HECA: variants seen among roughly 807,000 people sequenced by gnomAD.
The protein encoded by HECA is headcase protein homolog.
HECA carries 13 observed loss-of-function variants against 37.6 expected under a neutral mutation model. The observed-to-expected ratio is 0.35, with a 90% CI of 0.23 to 0.55. The LOEUF (loss-of-function observed/expected upper bound fraction) is 0.55. Ranked by LOEUF, HECA falls within the 20% of genes least tolerant of loss-of-function variation. HECA has a pLI of 0.90. For missense variants in HECA, 527 were observed against 701.9 expected (o/e 0.75, Z 2.82); for synonymous variants, 307 against 291.5 (o/e 1.05, Z -0.54).
chr6:139,155,957 G>A (rs1299427875), intron 1 of HECA, among the ~76,000 whole-genome samples: 1 of 152,042 alleles, frequency 6.6e-6, no homozygotes, highest in African/African-American at 2.4e-5. Flanking sequence ...AAAGCTGTCA[G>A]GTCAACTGAA....
chr6:139,159,778 A>G (rs1774771231), intron 1 of HECA, among the ~76,000 whole-genome samples: 1 of 152,200 alleles, frequency 6.6e-6, no homozygotes, highest in Non-Finnish European at 1.5e-5. Context: ...AGTCATCCCT[A>G]TTTTAGATTT....
chr6:139,144,010 T>C (rs1029500836), intron 1 of HECA, among the ~76,000 whole-genome samples: 2 of 152,144 alleles, frequency 1.3e-5, no homozygotes, highest in Non-Finnish European at 2.9e-5. Context: ...CAAATGAGTA[T>C]GTGGAGTTGT....
intron 1 of HECA, among the ~76,000 whole-genome samples, chr6:139,155,359 C>T (rs1482950953): frequency 6.6e-6 from 1 of 152,162 alleles, no homozygotes; most frequent in Non-Finnish European, 1.5e-5. Context: ...GTGAGTGAAT[C>T]TGAAGGCCTA....
chr6:139,166,349 T>C lies in HECA; in HGVS notation c.337T>C (p.Tyr113His), dbSNP rs768045542. ...GCCGGTGGACCTGGAGAAGGACGAC[T>C]ACCAGAAGGTGGTGTGCAACAACGA... is the stretch of plus-strand genomic sequence containing the variant. ...GRPVDLEKDDYQKVVCNNEHC... is the reference protein window; with the variant it reads ...GRPVDLEKDDHQKVVCNNEHC... The change falls in exon 2 of 4, where the codon TAC becomes CAC. Residue 113 changes from tyrosine to histidine, a missense_variant. Coordinates refer to ENST00000367658, the MANE Select transcript of HECA (RefSeq NM_016217.3). The C allele has an allele frequency of 1.2e-6, 2 of 1,614,010 alleles. No homozygotes were observed. Among genetic ancestry groups the C allele is most frequent in the Non-Finnish European group, 1.7e-6 (2 of 1,179,882 alleles).
rs1775115767 is a variant in HECA at position 139,180,246 on chromosome 6, G to A, written c.*3141G>A. 1 of 152,220 alleles carries A rather than the reference G, an allele frequency of 6.6e-6. No individual in the cohort carries two copies. Among genetic ancestry groups the A allele is most frequent in the South Asian group, 2.1e-4 (1 of 4,828 alleles). 9.4% of individuals were successfully genotyped at this position (152,220 alleles called of 1,614,324 possible). On this transcript the variant is annotated 3_prime_UTR_variant, in exon 4 of 4. Transcript: ENST00000367658. ...GGGGGAAAATTAACTCATCTAAAAA[G>A]AATCTTATTAGGTATTTGAACTCTA...
At chr6:139,147,164 A>G (rs779206905) in intron 1 of HECA, among the ~76,000 whole-genome samples, 2 of 152,114 alleles carry the variant, frequency 1.3e-5, no homozygotes, top group Non-Finnish European at 2.9e-5. Context: ...CCTGACCCCC[A>G]TGCTTTATAG....
rs547628076 is a variant in HECA, at chr6:139,142,733, G to A, written c.271+7066G>A. ...GAGGCCGAGACGGGCGGATCATGAGGTCAGGAGTTCAAGACCAGCCTGACC... is the reference window on the plus strand; with the variant it reads ...GAGGCCGAGACGGGCGGATCATGAGATCAGGAGTTCAAGACCAGCCTGACC... On this transcript the variant is annotated intron_variant, in intron 1 of 3. Coordinates refer to ENST00000367658, the MANE Select transcript of HECA (RefSeq NM_016217.3). Among the ~76,000 whole-genome samples, 5 of 152,286 alleles carry A rather than the reference G, an allele frequency of 3.3e-5. No individual in the cohort carries two copies. In the South Asian group the frequency reaches 1.0e-3, roughly 32 times the overall value.
chr6:139,138,003 A>T (rs1774471755), intron 1 of HECA, among the ~76,000 whole-genome samples: 1 of 152,238 alleles, frequency 6.6e-6, no homozygotes, highest in Non-Finnish European at 1.5e-5. Context: ...TTCTGAAGTG[A>T]TGTGAAGTCT....
Position 139,135,476 on chromosome 6 carries a change from C to G in HECA, c.80C>G (p.Ala27Gly), listed in dbSNP as rs867248462. 1 of 1,252,474 alleles carries G rather than the reference C, an allele frequency of 8.0e-7. No individual in the cohort carries two copies. The highest frequency in any genetic ancestry group is 1.0e-6 in the Non-Finnish European group (1 of 973,410). 77.6% of individuals were successfully genotyped at this position (1,252,474 alleles called of 1,614,324 possible). A position where few individuals can be genotyped will look rare whatever the true frequency, so the allele number is the denominator to read the frequency against. The change falls in exon 1 of 4, where the codon GCC (alanine) becomes GGC (glycine). Residue 27 changes from alanine (A) to glycine (G), a missense_variant. Ala to Gly is a moderately conservative substitution (Grantham distance 60, BLOSUM62 0). Transcript: ENST00000367658. ...NSSGDEQENG[A>G]GALAAAGAAG... ...AGCGGCGACGAGCAGGAAAATGGAG[C>G]CGGGGCCCTGGCAGCGGCGGGCGCG...
intron 1 of HECA, among the ~76,000 whole-genome samples, chr6:139,161,050 G>A (rs1438962613): frequency 6.6e-6 from 1 of 152,112 alleles, no homozygotes; most frequent in Non-Finnish European, 1.5e-5. Context: ...TGTGGTGTGT[G>A]TGTGTCGGGG....
chr6:139,162,121 G>A (rs1774813726), intron 1 of HECA, among the ~76,000 whole-genome samples: 1 of 152,158 alleles, frequency 6.6e-6, no homozygotes, highest in African/African-American at 2.4e-5. Flanking sequence ...ACTAAGATGA[G>A]TAAGAGGCTT....
intron 1 of HECA, among the ~76,000 whole-genome samples, chr6:139,147,294 G>A (rs899282590): frequency 6.6e-6 from 1 of 151,806 alleles, no homozygotes; most frequent in Non-Finnish European, 1.5e-5. Context: ...ACACCAATAT[G>A]GTTTTTATAC....
chr6:139,167,692 A>G (rs900285667), intron 2 of HECA, among the ~76,000 whole-genome samples: 1 of 152,204 alleles, frequency 6.6e-6, no homozygotes, highest in South Asian at 2.1e-4. Context: ...CCTTATAAAC[A>G]TAACAGTGAG....
At chr6:139,142,942 G>A (rs141844341) in intron 1 of HECA, among the ~76,000 whole-genome samples, 90 of 152,268 alleles carry the variant, frequency 5.9e-4, no homozygotes, top group African/African-American at 2.1e-3. Context: ...ATGAGACTCC[G>A]TCTCAAAAAC....
rs1004471835 is a variant in HECA at position 139,180,441 on chromosome 6, G to GTAAC, written c.*3338_*3341dup. 2.0e-5 allele frequency: 3 copies of GTAAC among 152,650 alleles called. No individual in the cohort carries two copies. The highest frequency in any genetic ancestry group is 2.9e-5 in the Non-Finnish European group (2 of 68,048). 9.5% of individuals were successfully genotyped at this position (152,650 alleles called of 1,614,324 possible). On this transcript the variant is annotated 3_prime_UTR_variant, in exon 4 of 4. Coordinates refer to ENST00000367658, the MANE Select transcript of HECA (RefSeq NM_016217.3). ...TTTGTGTCCTGGTAGCAGCTGTTGA[G>GTAAC]TAACTTTCATTGGAGGTTGGGAAGG... is the stretch of plus-strand genomic sequence containing the variant.
chr6:139,162,841 A>G (rs1240164450), intron 1 of HECA, among the ~76,000 whole-genome samples: 2 of 152,088 alleles, frequency 1.3e-5, no homozygotes, highest in African/African-American at 4.8e-5. Context: ...TCCCTCTCAT[A>G]TGTCTTTAAG....
At chr6:139,147,295 GT>G (rs142964899) in intron 1 of HECA, among the ~76,000 whole-genome samples, 4,494 of 152,240 alleles carry the variant, frequency 0.03, 73 homozygotes, top group Non-Finnish European at 0.039. Flanking sequence ...CACCAATATG[GT>G]TTTTATACTG....
In HECA at chr6:139,167,132, G is replaced by A. The variant is rs1184761096; in HGVS notation, c.1120G>A (p.Val374Met). 5 of 1,614,196 alleles carry A rather than the reference G, an allele frequency of 3.1e-6. No individual in the cohort carries two copies. The highest frequency in any genetic ancestry group is 4.2e-6 in the Non-Finnish European group (5 of 1,180,044). Residue 374 changes from valine to methionine, a missense_variant, in exon 2 of 4, where the codon GTG (valine) becomes ATG (methionine). Physicochemically the swap from Val to Met is conservative, Grantham distance 21. This residue lies in a region of HECA where 228 missense variants were observed against 259.8 expected (regional missense o/e 0.88). Coordinates refer to ENST00000367658, the MANE Select transcript of HECA (RefSeq NM_016217.3). The part of the protein sequence containing the change: ...FHVRMEDDAQ[V>M]GQGEDLRKFI... ...CGTGCGCATGGAAGACGATGCCCAA[G>A]TGGGCCAGGGGGAAGACTTGCGGAA...
intron 2 of HECA, among the ~76,000 whole-genome samples, chr6:139,168,369 T>C (rs1774922955): frequency 6.6e-6 from 1 of 152,038 alleles, no homozygotes; most frequent in Non-Finnish European, 1.5e-5. Context: ...TAGTACCATA[T>C]AGTCTAGGAC....
Sources: gnomAD v4.1 joint callset for allele counts (sites outside exome capture counted in the v4.1 genomes callset) on GRCh38, gnomAD v4.1.1 for gene constraint, gnomAD v4.1.1 regional missense constraint, MANE v1.5 for transcripts, NCBI Gene and HGNC (gene_info 2026-07-23, HGNC 2026-07-21) for gene names.